CFAP299: variants seen among roughly 807,000 people sequenced by gnomAD.
CFAP299 encodes cilia- and flagella-associated protein 299.
A neutral mutation model predicts 27.0 loss-of-function variants in CFAP299; 21 were observed. The ratio of observed to expected loss-of-function variants is 0.78; its 90% CI spans 0.55 to 1.12. The LOEUF (loss-of-function observed/expected upper bound fraction) is 1.12. Ranked by LOEUF, CFAP299 falls within the 50% of genes most tolerant of loss-of-function variation. The pLI, the probability that CFAP299 is intolerant of heterozygous loss-of-function variation, is 0.00. For missense variants in CFAP299, 310 were observed against 276.6 expected (o/e 1.12, Z -0.86); for synonymous variants, 104 against 98.1 (o/e 1.06, Z -0.36).
At chr4:80,470,434 A>T (rs1170001063) in intron 2 of CFAP299, among the ~76,000 whole-genome samples, 2 of 150,536 alleles carry the variant, frequency 1.3e-5, no homozygotes, top group African/African-American at 2.5e-5. Context: ...AATCAAATTC[A>T]TGTTGTCATT....
At chr4:80,932,465 C>T (rs1317542033) in intron 4 of CFAP299, among the ~76,000 whole-genome samples, 1 of 151,844 alleles carries the variant, frequency 6.6e-6, no homozygotes, top group Non-Finnish European at 1.5e-5. Context: ...TATAACATTT[C>T]AAAAAATTAG....
chr4:80,397,550 A>T (rs1483013145), intron 2 of CFAP299, among the ~76,000 whole-genome samples: 1 of 152,176 alleles, frequency 6.6e-6, no homozygotes, highest in Admixed American at 6.5e-5. Flanking sequence ...ACACTGCTTT[A>T]AATGTGTCCC....
intron 3 of CFAP299, among the ~76,000 whole-genome samples, chr4:80,758,566 C>T (rs575035012): frequency 6.6e-6 from 1 of 152,230 alleles, no homozygotes; most frequent in East Asian, 1.9e-4. Context: ...TCGCCAGAGA[C>T]CCACTCTCTT....
intron 3 of CFAP299, among the ~76,000 whole-genome samples, chr4:80,866,739 A>G (rs1732770434): frequency 6.6e-6 from 1 of 152,162 alleles, no homozygotes; most frequent in South Asian, 2.1e-4. Flanking sequence ...AGAATTCACA[A>G]AAATCACAGA....
At chr4:80,757,733 GT>G (rs367552882) in intron 3 of CFAP299, among the ~76,000 whole-genome samples, 2 of 150,192 alleles carry the variant, frequency 1.3e-5, no homozygotes, top group Non-Finnish European at 3.0e-5. Flanking sequence ...GTTTGGTTTG[GT>G]TTTTTTTTCA....
chr4:80,580,616 T>C (rs940116850), intron 2 of CFAP299, among the ~76,000 whole-genome samples: 1 of 152,018 alleles, frequency 6.6e-6, no homozygotes, highest in African/African-American at 2.4e-5. Flanking sequence ...TTCTGTACTA[T>C]CAGAATTTGC....
intron 3 of CFAP299, among the ~76,000 whole-genome samples, chr4:80,844,398 CAT>C (rs905665669): frequency 1.3e-5 from 2 of 152,172 alleles, no homozygotes; most frequent in Non-Finnish European, 2.9e-5. Context: ...TATTTTTCCA[CAT>C]CCTCTCCAGC....
At chr4:80,679,276 T>G (rs766364963) in intron 3 of CFAP299, among the ~76,000 whole-genome samples, 2 of 152,068 alleles carry the variant, frequency 1.3e-5, no homozygotes, top group Admixed American at 6.6e-5. Context: ...AGTATTCCAT[T>G]GTGTCGTGGT....
chr4:80,734,359 G>A (rs1196877755), intron 3 of CFAP299, among the ~76,000 whole-genome samples: 2 of 151,902 alleles, frequency 1.3e-5, no homozygotes, highest in East Asian at 3.9e-4. Context: ...TCTATATTCG[G>A]TTATTAATCA....
chr4:80,956,609 A>G (rs1005162061), intron 5 of CFAP299, among the ~76,000 whole-genome samples: 8 of 149,666 alleles, frequency 5.3e-5, no homozygotes, highest in Non-Finnish European at 8.9e-5. Flanking sequence ...ACTAATCACC[A>G]TGCCTAAGAT....
chr4:80,765,059 C>G (rs886987132), intron 3 of CFAP299, among the ~76,000 whole-genome samples: 9 of 152,014 alleles, frequency 5.9e-5, no homozygotes, highest in Non-Finnish European at 1.0e-4. Context: ...CGTGCACATT[C>G]TGCACACGTA....
chr4:80,495,136 T>C (rs1315375671), intron 2 of CFAP299, among the ~76,000 whole-genome samples: 1 of 152,248 alleles, frequency 6.6e-6, no homozygotes. Context: ...AGGCTAAATT[T>C]TGTGGATTTG....
At chr4:80,547,245 T>A (rs1287479912) in intron 2 of CFAP299, among the ~76,000 whole-genome samples, 2 of 152,084 alleles carry the variant, frequency 1.3e-5, no homozygotes, top group African/African-American at 4.8e-5. Flanking sequence ...CCAGCTGATA[T>A]TTGACAGAGT....
At chr4:80,957,293 A>T (rs1454458879) in intron 5 of CFAP299, among the ~76,000 whole-genome samples, 1 of 152,156 alleles carries the variant, frequency 6.6e-6, no homozygotes, top group Non-Finnish European at 1.5e-5. Context: ...CAGTGCCATG[A>T]ATTTGAAGGA....
intron 4 of CFAP299, among the ~76,000 whole-genome samples, chr4:80,889,503 G>A (rs1051078460): frequency 2.6e-5 from 4 of 151,892 alleles, no homozygotes; most frequent in South Asian, 2.1e-4. Context: ...CCAAAGAAAC[G>A]CCTGGGACCC....
intron 3 of CFAP299, among the ~76,000 whole-genome samples, chr4:80,638,606 A>G (rs761621350): frequency 6.6e-6 from 1 of 152,208 alleles, no homozygotes; most frequent in Non-Finnish European, 1.5e-5. Context: ...ATGCAGCTAC[A>G]GGTCACAGTT....
chr4:80,749,544 A>G (rs1384035154), intron 3 of CFAP299, among the ~76,000 whole-genome samples: 1 of 152,204 alleles, frequency 6.6e-6, no homozygotes, highest in Non-Finnish European at 1.5e-5. Context: ...TAGTGGATCA[A>G]TCCAAGTCCC....
intron 4 of CFAP299, among the ~76,000 whole-genome samples, chr4:80,895,005 A>C (rs760892179): frequency 1.6e-4 from 24 of 151,968 alleles, no homozygotes; most frequent in Non-Finnish European, 4.4e-5. Context: ...ACATTAAGGG[A>C]GTTCAGGGGC....
rs545494719 is a variant in CFAP299, at chr4:80,758,451, G to A, written c.334-111542G>A. On this transcript the variant is annotated intron_variant, in intron 3 of 5. Coordinates refer to ENST00000358105, the MANE Select transcript of CFAP299 (RefSeq NM_152770.3). ...GGGATTTTATGGGCATAGGATGGGGGGAAGGGAGGGCCATAGGTAGTTTTG... is the reference window on the plus strand; with the variant it reads ...GGGATTTTATGGGCATAGGATGGGGAGAAGGGAGGGCCATAGGTAGTTTTG... Among the ~76,000 whole-genome samples the A allele has an allele frequency of 3.9e-5, 6 of 152,220 alleles. 1 individual carries two copies. The highest frequency in any genetic ancestry group is 1.4e-4 in the African/African-American group (6 of 41,546).
Sources: gnomAD v4.1 joint callset for allele counts (sites outside exome capture counted in the v4.1 genomes callset) on GRCh38, gnomAD v4.1.1 for gene constraint, MANE v1.5 for transcripts, NCBI Gene and HGNC (gene_info 2026-07-23, HGNC 2026-07-21) for gene names.